The following CEP112 variants were observed in gnomAD, a reference collection of about 807,000 sequenced individuals.
CEP112 encodes the protein centrosomal protein of 112 kDa.
CEP112 carries 127 observed loss-of-function variants against 153.0 expected under a neutral mutation model. That is an observed-to-expected ratio of 0.83 (90% CI 0.72 to 0.96). CEP112 has a LOEUF of 0.96. Ranked by LOEUF, CEP112 falls within the 40% of genes least tolerant of loss-of-function variation. The pLI is 0.00. For missense variants in CEP112, 1,089 were observed against 1,101.2 expected (o/e 0.99, Z 0.16); for synonymous variants, 358 against 374.4 (o/e 0.96, Z 0.51).
rs2061958748 is a variant in CEP112, at chr17:65,955,094, A to C, written c.1872+6369T>G. ...ATCTAAAGTCAAGACAAAGGAAAGA[A>C]TCTTAAGGGCTGTGAGCCAAAAGTA... On this transcript the variant is annotated intron_variant, in intron 18 of 26. Coordinates refer to ENST00000535342, the MANE Select transcript of CEP112 (RefSeq NM_001199165.4). 3.3e-5 allele frequency among the ~76,000 whole-genome samples: 5 copies of C among 152,226 alleles called. No individual in the cohort carries two copies. In the South Asian group the frequency reaches 1.0e-3, roughly 31 times the overall value.
At chr17:66,172,331 G>C (rs965855085) in intron 4 of CEP112, among the ~76,000 whole-genome samples, 1 of 152,246 alleles carries the variant, frequency 6.6e-6, no homozygotes, top group Middle Eastern at 3.4e-3. Flanking sequence ...AGTACTAAAG[G>C]AGTAAATGGC....
chr17:66,144,986 C>T (rs913304327), intron 4 of CEP112, among the ~76,000 whole-genome samples: 1 of 152,176 alleles, frequency 6.6e-6, no homozygotes, highest in South Asian at 2.1e-4. Flanking sequence ...ATACTCCCAT[C>T]AACAGTGTAT....
At chr17:65,868,133 C>T (rs945519504) in intron 20 of CEP112, among the ~76,000 whole-genome samples, 2 of 151,956 alleles carry the variant, frequency 1.3e-5, no homozygotes, top group African/African-American at 4.8e-5. Context: ...TGAGGCAAAA[C>T]TTCAGATTTT....
At chr17:66,039,608 A>G (rs1001117022) in intron 12 of CEP112, among the ~76,000 whole-genome samples, 5 of 152,184 alleles carry the variant, frequency 3.3e-5, no homozygotes, top group African/African-American at 9.7e-5. Context: ...TGTCTTAAAG[A>G]TACATACGTT....
At chr17:65,969,403 C>T (rs2062548368) in intron 17 of CEP112, among the ~76,000 whole-genome samples, 1 of 152,266 alleles carries the variant, frequency 6.6e-6, no homozygotes, top group Non-Finnish European at 1.5e-5. Flanking sequence ...ATACCACATG[C>T]ATATCACATA....
chr17:66,179,995 T>C (rs967679461), intron 2 of CEP112, among the ~76,000 whole-genome samples: 1 of 152,172 alleles, frequency 6.6e-6, no homozygotes, highest in Non-Finnish European at 1.5e-5. Context: ...CATGGATTGA[T>C]TTGCATCTGT....
intron 8 of CEP112, among the ~76,000 whole-genome samples, chr17:66,078,032 CATTG>C (rs1202306671): frequency 6.6e-6 from 1 of 152,146 alleles, no homozygotes; most frequent in Non-Finnish European, 1.5e-5. Flanking sequence ...AATCCATCTT[CATTG>C]ATTTTCATAT....
At chr17:66,121,646 G>T (rs1395416879) in intron 6 of CEP112, among the ~76,000 whole-genome samples, 1 of 150,728 alleles carries the variant, frequency 6.6e-6, no homozygotes, top group African/African-American at 2.4e-5. Flanking sequence ...CCCCTATGGT[G>T]AATTTTTCAC....
intron 21 of CEP112, among the ~76,000 whole-genome samples, chr17:65,841,831 T>C (rs1436098746): frequency 1.3e-5 from 2 of 151,466 alleles, no homozygotes; most frequent in Admixed American, 6.6e-5. Flanking sequence ...GCACTAATCA[T>C]AAACAAACAC....
intron 6 of CEP112, among the ~76,000 whole-genome samples, chr17:66,104,802 T>C (rs1373156086): frequency 6.6e-6 from 1 of 152,138 alleles, no homozygotes; most frequent in Non-Finnish European, 1.5e-5. Context: ...GAAATGCTTT[T>C]ATCCTGGAAT....
intron 19 of CEP112, among the ~76,000 whole-genome samples, chr17:65,919,414 G>GT (rs1360821611): frequency 5.9e-5 from 9 of 152,156 alleles, no homozygotes; most frequent in Non-Finnish European, 1.3e-4. Flanking sequence ...CCCTCCTGAT[G>GT]TGAAATGCTA....
chr17:66,122,996 C>A (rs1019078005), intron 6 of CEP112, among the ~76,000 whole-genome samples: 2 of 152,190 alleles, frequency 1.3e-5, no homozygotes, highest in African/African-American at 4.8e-5. Context: ...TTGAGGAGAG[C>A]TTCTGATCTC....
chr17:65,711,689 A>G (rs1468511586), intron 23 of CEP112, among the ~76,000 whole-genome samples: 1 of 152,186 alleles, frequency 6.6e-6, no homozygotes, highest in Non-Finnish European at 1.5e-5. Context: ...AGCATTTGTG[A>G]AGTCAAAACA....
At chr17:66,126,488 C>T (rs1696634522) in intron 6 of CEP112, among the ~76,000 whole-genome samples, 2 of 151,952 alleles carry the variant, frequency 1.3e-5, no homozygotes, top group Non-Finnish European at 2.9e-5. Context: ...CGAATACCCA[C>T]AGCACAAACA....
At chr17:65,647,774 T>C (rs372626785) in intron 24 of CEP112, among the ~76,000 whole-genome samples, 1 of 152,024 alleles carries the variant, frequency 6.6e-6, no homozygotes, top group Non-Finnish European at 1.5e-5. Context: ...TAAGCCACCA[T>C]GCCTGGCTTT....
chr17:65,692,323 G>A (rs541740553), intron 23 of CEP112, among the ~76,000 whole-genome samples: 2 of 151,184 alleles, frequency 1.3e-5, no homozygotes, highest in Non-Finnish European at 2.9e-5. Context: ...CCACCTCCCG[G>A]GTTCAAGCGA....
At chr17:65,828,641 C>A (rs1374905062) in intron 21 of CEP112, among the ~76,000 whole-genome samples, 3 of 152,044 alleles carry the variant, frequency 2.0e-5, no homozygotes, top group Admixed American at 2.0e-4. Context: ...CTTACAGCAA[C>A]TTAGGCTTAC....
chr17:65,978,958 T>C lies in CEP112; in HGVS notation c.1737-17360A>G, dbSNP rs562778226. 2.0e-5 allele frequency among the ~76,000 whole-genome samples: 3 copies of C among 152,324 alleles called. No individual in the cohort carries two copies. The Middle Eastern group carries it at 0.01, about 518-fold the overall frequency. On this transcript the variant is annotated intron_variant, in intron 17 of 26. Coordinates refer to ENST00000535342, the MANE Select transcript of CEP112 (RefSeq NM_001199165.4). ...ATACTTCACAGAATGAAAATTTCCCTCTCAACTGGAAGCAAGGTAACCACA... is the reference window on the plus strand; with the variant it reads ...ATACTTCACAGAATGAAAATTTCCCCCTCAACTGGAAGCAAGGTAACCACA...
intron 21 of CEP112, among the ~76,000 whole-genome samples, chr17:65,775,856 A>G (rs895796439): frequency 2.6e-5 from 4 of 152,224 alleles, no homozygotes; most frequent in African/African-American, 9.6e-5. Context: ...GACTTTTAAA[A>G]TGTTCCCATA....
Sources: gnomAD v4.1 joint callset for allele counts (sites outside exome capture counted in the v4.1 genomes callset) on GRCh38, gnomAD v4.1.1 for gene constraint, MANE v1.5 for transcripts, NCBI Gene and HGNC (gene_info 2026-07-23, HGNC 2026-07-21) for gene names.